Variants in KCNH7 observed in about 807,000 individuals in gnomAD.
The protein encoded by KCNH7 is potassium voltage-gated channel subfamily H member 7, also known as voltage-gated inwardly rectifying potassium channel KCNH7.
KCNH7 carries 49 observed loss-of-function variants against 120.8 expected under a neutral mutation model. The observed-to-expected ratio is 0.41, with a 90% confidence interval of 0.32 to 0.51. The LOEUF (loss-of-function observed/expected upper bound fraction) is 0.51, where lower values mean the gene tolerates loss of function less well. Among genes scored for constraint, KCNH7 ranks in the 20% least tolerant of loss-of-function variants. The pLI, the probability that KCNH7 is intolerant of heterozygous loss-of-function variation, is 0.38. For synonymous variants in KCNH7, 547 were observed against 516.1 expected, an observed-to-expected ratio of 1.06 and a Z score of -0.81; for missense variants, 1,097 against 1,446.6, an observed-to-expected ratio of 0.76 and a Z score of 3.92.
intron 2 of KCNH7, among the ~76,000 whole-genome samples, chr2:162,591,048 T>C (rs1235983475): frequency 6.6e-6 from 1 of 152,062 alleles, no homozygotes; most frequent in East Asian, 1.9e-4. Flanking sequence ...GGGGATTTGC[T>C]GGTTCTTCCT....
intron 6 of KCNH7, chr2:162,502,127 CT>C (rs1233965399): frequency 1.3e-5 from 2 of 152,038 alleles, no homozygotes; most frequent in South Asian, 2.1e-4. Context: ...ATGGACTTTA[CT>C]GCTTTCATAA....
intron 6 of KCNH7, among the ~76,000 whole-genome samples, chr2:162,481,005 A>G (rs1689911989): frequency 6.6e-6 from 1 of 152,158 alleles, no homozygotes; most frequent in Non-Finnish European, 1.5e-5. Context: ...GTCTCCACCC[A>G]GCTGACATCC....
chr2:162,442,056 G>A (rs13413661), intron 7 of KCNH7, among the ~76,000 whole-genome samples: 2 of 100,296 alleles, frequency 2.0e-5, no homozygotes, highest in East Asian at 3.5e-4. Flanking sequence ...TCGCTCTTTC[G>A]CCCAGGCTGG....
chr2:162,620,957 C>G (rs1202956756), intron 2 of KCNH7, among the ~76,000 whole-genome samples: 2 of 152,110 alleles, frequency 1.3e-5, no homozygotes, highest in Non-Finnish European at 2.9e-5. Context: ...AAGGCATAAG[C>G]TGGGACTGCC....
At chr2:162,814,576 G>T (rs980971227) in intron 2 of KCNH7, among the ~76,000 whole-genome samples, 2 of 152,198 alleles carry the variant, frequency 1.3e-5, no homozygotes, top group Admixed American at 1.3e-4. Context: ...ACAATAAGAT[G>T]TAATGAATTC....
chr2:162,722,813 C>CTTTT (rs894023630), intron 2 of KCNH7, among the ~76,000 whole-genome samples: 2,066 of 84,952 alleles, frequency 0.024, 192 homozygotes, highest in African/African-American at 0.12. Context: ...TTCTTTTTTT[C>CTTTT]TTTTTTTTTT....
intron 9 of KCNH7, 21 bp downstream of exon 9, chr2:162,423,315 T>G: frequency 5.0e-6 from 8 of 1,614,020 alleles, no homozygotes; most frequent in Non-Finnish European, 5.9e-6. Context: ...CACTTTCATT[T>G]TGGAAAACAG....
intron 2 of KCNH7, among the ~76,000 whole-genome samples, chr2:162,615,011 T>G (rs975606132): frequency 6.6e-6 from 1 of 152,184 alleles, no homozygotes; most frequent in African/African-American, 2.4e-5. Context: ...ACGGTTTAAA[T>G]GTAAGACATC....
chr2:162,494,633 C>A (rs1457245490), intron 6 of KCNH7, among the ~76,000 whole-genome samples: 1 of 152,072 alleles, frequency 6.6e-6, no homozygotes, highest in Non-Finnish European at 1.5e-5. Flanking sequence ...AACCAAATTT[C>A]TTTGTCAATC....
intron 6 of KCNH7, among the ~76,000 whole-genome samples, chr2:162,463,009 CCAT>C (rs1279857238): frequency 6.6e-6 from 1 of 152,006 alleles, no homozygotes; most frequent in African/African-American, 2.4e-5. Context: ...TGTGATATCT[CCAT>C]CATATTAGTA....
intron 6 of KCNH7, among the ~76,000 whole-genome samples, chr2:162,490,405 A>G (rs1438997873): frequency 6.6e-6 from 1 of 152,232 alleles, no homozygotes; most frequent in East Asian, 1.9e-4. Flanking sequence ...CACTTAATAA[A>G]TTCTACTCCA....
At chr2:162,720,270 A>C (rs899761108) in intron 2 of KCNH7, among the ~76,000 whole-genome samples, 4 of 145,538 alleles carry the variant, frequency 2.7e-5, no homozygotes, top group Non-Finnish European at 4.5e-5. Context: ...GGGTACTCTC[A>C]TGTCCTTCAC....
intron 2 of KCNH7, among the ~76,000 whole-genome samples, chr2:162,745,793 C>G (rs1688295114): frequency 6.6e-6 from 1 of 151,950 alleles, no homozygotes. Context: ...TAAAACATCT[C>G]TACAATTCTA....
intron 6 of KCNH7, among the ~76,000 whole-genome samples, chr2:162,476,906 G>A (rs1205060861): frequency 6.6e-6 from 1 of 152,150 alleles, no homozygotes; most frequent in Non-Finnish European, 1.5e-5. Context: ...TGCAATACAA[G>A]CTTTTATATA....
At chr2:162,436,457 C>G (rs753934685) in intron 7 of KCNH7, among the ~76,000 whole-genome samples, 1 of 151,926 alleles carries the variant, frequency 6.6e-6, no homozygotes, top group Non-Finnish European at 1.5e-5. Context: ...TATTACTGAC[C>G]GGGTATCTAA....
At chr2:162,521,061 T>G (rs1472688375) in intron 3 of KCNH7, among the ~76,000 whole-genome samples, 1 of 152,032 alleles carries the variant, frequency 6.6e-6, no homozygotes, top group Non-Finnish European at 1.5e-5. Flanking sequence ...ATGGGTAAGC[T>G]TTTCCTTCCT....
In KCNH7 at chr2:162,372,044, G is replaced by A. The variant is rs756102525; in HGVS notation, c.3376C>T (p.Leu1126Phe). 8 of 1,613,108 alleles carry A rather than the reference G, an allele frequency of 5.0e-6. No homozygotes were observed. The highest frequency in any genetic ancestry group is 3.4e-6 in the Non-Finnish European group (4 of 1,179,288). ...GTGTTCAGATGCACCCCACTTGAAA[G>A]GGATTCTTTGGATTTAAGTTTAGAT... ...EKSKLKSKES[L>F]SSGVHLNTAS... is the part of the protein sequence containing the mutation. The change falls in exon 16 of 16, where the codon CTT (leucine) becomes TTT (phenylalanine). Residue 1126 changes from leucine to phenylalanine, a missense_variant. Physicochemically the swap from Leu to Phe is conservative, Grantham distance 22. Around this residue, in one of 8 missense-constraint regions of KCNH7, gnomAD observed 406 missense variants for 410.5 expected, o/e 0.99. Coordinates refer to ENST00000332142, the MANE Select transcript of KCNH7 (RefSeq NM_033272.4).
intron 2 of KCNH7, among the ~76,000 whole-genome samples, chr2:162,564,417 T>A (rs1452052248): frequency 6.6e-6 from 1 of 152,184 alleles, no homozygotes; most frequent in Non-Finnish European, 1.5e-5. Flanking sequence ...TTCTTCTCAA[T>A]GAATCTTCTT....
rs377266163 is a variant in KCNH7, at chr2:162,535,291, A to G, written c.463+1634T>C. ...GTACAAGATTGGAAAGGAAATATAAAACAATTTTTATTTTATGTGATAGAA... is the reference window on the plus strand; with the variant it reads ...GTACAAGATTGGAAAGGAAATATAAGACAATTTTTATTTTATGTGATAGAA... On this transcript the variant is annotated intron_variant, in intron 3 of 15. Transcript: ENST00000332142. 5.2e-4 allele frequency among the ~76,000 whole-genome samples: 79 copies of G among 151,954 alleles called. 3 individuals carry two copies. In the South Asian group the frequency reaches 5.6e-3, roughly 11 times the overall value.
Sources: allele counts gnomAD v4.1 joint callset (sites outside exome capture counted in the v4.1 genomes callset), GRCh38; gene constraint gnomAD v4.1.1; regional missense constraint gnomAD v4.1.1; transcripts MANE v1.5; gene names NCBI Gene and HGNC (gene_info 2026-07-23, HGNC 2026-07-21).